Variants in PDE8A observed in about 807,000 individuals in gnomAD.
The protein encoded by PDE8A is phosphodiesterase 8A, also known as high affinity cAMP-specific and IBMX-insensitive 3',5'-cyclic phosphodiesterase 8A.
A neutral mutation model predicts 105.0 loss-of-function variants in PDE8A; 59 were observed. The ratio of observed to expected loss-of-function variants is 0.56; its 90% CI spans 0.46 to 0.70. The LOEUF (loss-of-function observed/expected upper bound fraction) is 0.70. Among genes scored for constraint, PDE8A ranks in the 30% least tolerant of loss-of-function variants. The pLI is 0.00. For synonymous variants in PDE8A, 355 were observed against 371.9 expected (o/e 0.95, Z 0.52); for missense variants, 1,014 against 1,045.9 (o/e 0.97, Z 0.42).
intron 20 of PDE8A, among the ~76,000 whole-genome samples, chr15:85,133,956 G>T (rs773452963): frequency 6.6e-6 from 1 of 152,146 alleles, no homozygotes; most frequent in Non-Finnish European, 1.5e-5. Context: ...TTTTCGCTTG[G>T]GGCACAGCGG....
At chr15:85,036,991 T>G (rs2141384755) in intron 1 of PDE8A, among the ~76,000 whole-genome samples, 1 of 151,848 alleles carries the variant, frequency 6.6e-6, no homozygotes, top group East Asian at 1.9e-4. Flanking sequence ...AGGCTGCCCC[T>G]GCAACTGGTC....
intron 11 of PDE8A, among the ~76,000 whole-genome samples, chr15:85,104,927 G>T (rs2081925856): frequency 6.6e-6 from 1 of 152,066 alleles, no homozygotes; most frequent in Admixed American, 6.5e-5. Flanking sequence ...CAAACTCAGT[G>T]CAGTTGTGTC....
chr15:85,051,352 A>T (rs745361173), intron 1 of PDE8A, among the ~76,000 whole-genome samples: 1 of 152,242 alleles, frequency 6.6e-6, no homozygotes, highest in Non-Finnish European at 1.5e-5. Flanking sequence ...GAATAGAAGA[A>T]GTAGGCATCC....
intron 1 of PDE8A, among the ~76,000 whole-genome samples, chr15:85,010,272 A>G (rs1304033133): frequency 6.6e-6 from 1 of 152,224 alleles, no homozygotes; most frequent in Non-Finnish European, 1.5e-5. Context: ...AACCTTCAAT[A>G]AAAATGTCCA....
intron 1 of PDE8A, among the ~76,000 whole-genome samples, chr15:85,027,834 C>A (rs528765882): frequency 6.6e-6 from 1 of 152,096 alleles, no homozygotes; most frequent in East Asian, 1.9e-4. Flanking sequence ...GTTGCATATC[C>A]TTCCTGTCAT....
intron 1 of PDE8A, among the ~76,000 whole-genome samples, chr15:85,006,063 C>T (rs1011246493): frequency 1.3e-5 from 2 of 151,682 alleles, no homozygotes; most frequent in Non-Finnish European, 2.9e-5. Context: ...TTTCTGAGCT[C>T]AGACCTAAAG....
rs773369530 is a variant in PDE8A at position 85,116,053 on chromosome 15, G to A, written c.1469G>A (p.Arg490Gln). The change falls in exon 16 of 22, where the codon CGG becomes CAG. Residue 490 changes from arginine (R) to glutamine (Q), a missense_variant. Physicochemically the swap from Arg to Gln is conservative, Grantham distance 43. Transcript: ENST00000394553. ...SLDDVPPRIA[R>Q]AMENEEYWDF... Reference sequence around the variant, plus strand: ...GATGATGTCCCACCACGGATAGCTCGGGCCATGGAAAATGAGGAATACTGG... The same window carrying A: ...GATGATGTCCCACCACGGATAGCTCAGGCCATGGAAAATGAGGAATACTGG... 5 of 1,613,702 alleles carry A rather than the reference G, an allele frequency of 3.1e-6. No homozygotes were observed. Among genetic ancestry groups the A allele is most frequent in the Admixed American group, 1.7e-5 (1 of 60,020 alleles).
chr15:85,044,458 C>T, intron 1 of PDE8A, among the ~76,000 whole-genome samples: 1 of 152,154 alleles, frequency 6.6e-6, no homozygotes, highest in Admixed American at 6.5e-5. Flanking sequence ...ACCTTGGTGC[C>T]ATCTTGTGGG....
In PDE8A at chr15:85,130,845, T is replaced by C. The variant is rs568294682; in HGVS notation, c.2253+4471T>C. On this transcript the variant is annotated intron_variant, in intron 20 of 21. Coordinates refer to ENST00000394553, the MANE Select transcript of PDE8A (RefSeq NM_002605.3). ...CACAATCTTGGCTCACTGCAACCTCTGCCTCCCAGGTTCAAGCAATTCTCC... is the reference window on the plus strand; with the variant it reads ...CACAATCTTGGCTCACTGCAACCTCCGCCTCCCAGGTTCAAGCAATTCTCC... Among the ~76,000 whole-genome samples the C allele has an allele frequency of 5.9e-5, 9 of 152,310 alleles. No homozygotes were observed. The South Asian group carries it at 1.9e-3, about 32-fold the overall frequency.
chr15:85,109,378 G>C (rs1032458847), intron 12 of PDE8A, among the ~76,000 whole-genome samples: 7 of 152,140 alleles, frequency 4.6e-5, no homozygotes, highest in Non-Finnish European at 1.0e-4. Flanking sequence ...TTCTATAGTT[G>C]CTTTTCTAAA....
chr15:85,016,150 A>G (rs1057252584), intron 1 of PDE8A, among the ~76,000 whole-genome samples: 26 of 152,214 alleles, frequency 1.7e-4, no homozygotes, highest in African/African-American at 6.3e-4. Context: ...AAAATAAATA[A>G]ATAAATAAAA....
intron 8 of PDE8A, among the ~76,000 whole-genome samples, chr15:85,091,790 A>G (rs2081647358): frequency 6.6e-6 from 1 of 151,238 alleles, no homozygotes; most frequent in African/African-American, 2.4e-5. Flanking sequence ...CTGAAAGGTT[A>G]TTTCTGTGAA....
chr15:85,116,382 A>G, intron 16 of PDE8A: 1 of 454,198 alleles, frequency 2.2e-6, no homozygotes, highest in Non-Finnish European at 4.0e-6. Flanking sequence ...TCTGTGAAAT[A>G]AAGGTATTTC....
chr15:85,099,515 TAAATG>T (rs1271111353), intron 9 of PDE8A, among the ~76,000 whole-genome samples: 1 of 152,154 alleles, frequency 6.6e-6, no homozygotes, highest in African/African-American at 2.4e-5. Flanking sequence ...GAACAATAAA[TAAATG>T]AGAAGAGTCA....
rs1275175758 is a variant in PDE8A, at chr15:85,116,086, A to G, written c.1502A>G (p.Asp501Gly). ...GAAAATGAGGAATACTGGGACTTTG[A>G]TATTTTTGAACTGGAGGCTGCCACC... ...AMENEEYWDF[D>G]IFELEAATHN... is the part of the protein sequence containing the mutation. The change falls in exon 16 of 22, where the codon GAT (aspartate) becomes GGT (glycine). Residue 501 changes from aspartate to glycine, a missense_variant. Transcript: ENST00000394553. 6.2e-7 allele frequency: 1 copy of G among 1,614,074 alleles called. No homozygotes were observed. Among genetic ancestry groups the G allele is most frequent in the East Asian group, 2.2e-5 (1 of 44,880 alleles).
intron 1 of PDE8A, among the ~76,000 whole-genome samples, chr15:85,017,290 C>G (rs1438936383): frequency 6.6e-6 from 1 of 151,876 alleles, no homozygotes; most frequent in African/African-American, 2.4e-5. Flanking sequence ...ATAAATGAAG[C>G]CTGTTGATTT....
chr15:85,003,934 G>A (rs756262971), intron 1 of PDE8A, among the ~76,000 whole-genome samples: 1 of 152,160 alleles, frequency 6.6e-6, no homozygotes, highest in Non-Finnish European at 1.5e-5. Context: ...TGCCATGCTT[G>A]TCTATATGGA....
intron 1 of PDE8A, among the ~76,000 whole-genome samples, chr15:85,015,725 T>G (rs1185963906): frequency 6.6e-6 from 1 of 152,234 alleles, no homozygotes; most frequent in Non-Finnish European, 1.5e-5. Context: ...TTGTTAACTA[T>G]CTGTCCATAT....
intron 2 of PDE8A, among the ~76,000 whole-genome samples, chr15:85,065,351 A>AGGGGGGG (rs2081206415): frequency 1.3e-5 from 1 of 78,898 alleles, no homozygotes; most frequent in Non-Finnish European, 2.4e-5. Context: ...GGGAGGGGGG[A>AGGGGGGG]GGGATAGCAT....
Sources: gnomAD v4.1 joint callset for allele counts (sites outside exome capture counted in the v4.1 genomes callset) on GRCh38, gnomAD v4.1.1 for gene constraint, MANE v1.5 for transcripts, NCBI Gene and HGNC (gene_info 2026-07-23, HGNC 2026-07-21) for gene names.